KLHL1: variants seen among roughly 807,000 people sequenced by gnomAD.
KLHL1 encodes the protein kelch-like protein 1.
Under a neutral mutation model 77.7 loss-of-function variants are expected in KLHL1, and 47 were observed. That is an observed-to-expected ratio of 0.60 (90% confidence interval 0.48 to 0.77). The LOEUF (loss-of-function observed/expected upper bound fraction) is 0.77. Ranked by LOEUF, KLHL1 falls within the 30% of genes least tolerant of loss-of-function variation. The probability of loss-of-function intolerance (pLI) is 0.00; values close to 1 mark genes in which losing one functional copy is unlikely to be tolerated. For missense variants in KLHL1, 925 were observed against 910.8 expected (o/e 1.02, Z -0.20); for synonymous variants, 360 against 325.2 (o/e 1.11, Z -1.15).
chr13:69,992,093 A>G (rs940018407), intron 1 of KLHL1, among the ~76,000 whole-genome samples: 1 of 152,000 alleles, frequency 6.6e-6, no homozygotes, highest in Non-Finnish European at 1.5e-5. Context: ...TCACTGACAC[A>G]GAATATTAGT....
In KLHL1 at chr13:69,753,449, T is replaced by A. The variant is rs559479361; in HGVS notation, c.1640-12893A>T. ...TGCAGGGAATATGTGAGGAGACAAG[T>A]GATGATGCTGTTACAAACAAAAACA... is the stretch of plus-strand genomic sequence containing the variant. On this transcript the variant is annotated intron_variant, in intron 7 of 10. Coordinates refer to ENST00000377844, the MANE Select transcript of KLHL1 (RefSeq NM_020866.3). Among the ~76,000 whole-genome samples the A allele has an allele frequency of 5.0e-3, 758 of 152,190 alleles. 4 individuals are homozygous for A. The highest frequency in any genetic ancestry group is 0.018 in the African/African-American group (740 of 41,544).
At chr13:69,797,690 A>C (rs1480642382) in intron 6 of KLHL1, among the ~76,000 whole-genome samples, 2 of 151,458 alleles carry the variant, frequency 1.3e-5, no homozygotes, top group Non-Finnish European at 2.9e-5. Context: ...TTAGCTGGGC[A>C]TGGTGGCAGG....
intron 4 of KLHL1, among the ~76,000 whole-genome samples, chr13:69,885,104 C>A (rs1183534040): frequency 2.8e-5 from 4 of 142,122 alleles, no homozygotes; most frequent in African/African-American, 5.7e-5. Flanking sequence ...CCACGCCCGG[C>A]TAATTTTTTG....
rs1879135263 is a variant in KLHL1, at chr13:69,838,972, A to G, written c.1414+4T>C. 1 of 1,588,146 alleles carries G rather than the reference A, an allele frequency of 6.3e-7. No individual in the cohort carries two copies. Among genetic ancestry groups the G allele is most frequent in the African/African-American group, 1.4e-5 (1 of 73,938 alleles). On this transcript the variant is annotated splice_donor_region_variant and intron_variant, in intron 6 of 10. Transcript: ENST00000377844. The stretch of plus-strand genomic sequence containing the variant: ...TATAGTTATATAAATCCAGAATTAA[A>G]TACCTTTGTTGTTATCCATTCCTCC...
chr13:70,087,523 A>G (rs2137437741), intron 1 of KLHL1, among the ~76,000 whole-genome samples: 1 of 151,514 alleles, frequency 6.6e-6, no homozygotes, highest in African/African-American at 2.4e-5. Context: ...TGCACAGATG[A>G]AAAGATTTTT....
intron 4 of KLHL1, among the ~76,000 whole-genome samples, chr13:69,931,376 T>A (rs1882999521): frequency 6.6e-6 from 1 of 151,802 alleles, no homozygotes. Flanking sequence ...CAATTTTAAT[T>A]GAGCTGAAGT....
chr13:69,753,555 G>C (rs963441508), intron 7 of KLHL1, among the ~76,000 whole-genome samples: 2 of 152,052 alleles, frequency 1.3e-5, no homozygotes, highest in African/African-American at 4.8e-5. Context: ...AGTATTAGTA[G>C]GGCCAAATCT....
chr13:70,062,923 G>A (rs9317870), intron 1 of KLHL1, among the ~76,000 whole-genome samples: 51,185 of 151,714 alleles, frequency 0.34, 9,459 homozygotes, highest in African/African-American at 0.5. Context: ...TCAAAGTTAC[G>A]TGAAACTTTC....
chr13:69,868,545 C>T (rs995481190), intron 5 of KLHL1, among the ~76,000 whole-genome samples: 9 of 151,932 alleles, frequency 5.9e-5, no homozygotes, highest in Admixed American at 5.3e-4. Context: ...CAATTTTCTT[C>T]CAATTGCAAT....
chr13:69,775,750 G>T (rs114119018), intron 7 of KLHL1, among the ~76,000 whole-genome samples: 1,716 of 151,942 alleles, frequency 0.011, 35 homozygotes, highest in African/African-American at 0.038. Flanking sequence ...GAGTGCAGTG[G>T]TGCCATCTTA....
At chr13:69,965,058 A>G (rs901945449) in intron 2 of KLHL1, among the ~76,000 whole-genome samples, 2 of 152,210 alleles carry the variant, frequency 1.3e-5, no homozygotes, top group African/African-American at 4.8e-5. Context: ...TTATTGGTAT[A>G]TTCACAGCTT....
chr13:69,976,689 A>G (rs7320907), intron 1 of KLHL1, among the ~76,000 whole-genome samples: 5 of 152,112 alleles, frequency 3.3e-5, no homozygotes, highest in African/African-American at 1.2e-4. Context: ...ATATCTTAGA[A>G]AGTAACATGG....
chr13:70,011,357 A>G (rs184682802), intron 1 of KLHL1, among the ~76,000 whole-genome samples: 66 of 152,326 alleles, frequency 4.3e-4, no homozygotes, highest in African/African-American at 1.4e-3. Flanking sequence ...AATATGATTA[A>G]TATAGAAAGT....
chr13:69,878,535 C>T (rs1880853235), intron 5 of KLHL1, among the ~76,000 whole-genome samples: 1 of 151,926 alleles, frequency 6.6e-6, no homozygotes, highest in South Asian at 2.1e-4. Flanking sequence ...TAGACTCTTG[C>T]CTCCTTTAAA....
chr13:70,027,219 GAATT>G (rs926374525), intron 1 of KLHL1, among the ~76,000 whole-genome samples: 11 of 152,028 alleles, frequency 7.2e-5, no homozygotes, highest in African/African-American at 2.4e-4. Context: ...TAGATAAATA[GAATT>G]AATTCTCCTT....
intron 4 of KLHL1, among the ~76,000 whole-genome samples, chr13:69,938,596 G>A (rs549303897): frequency 2.0e-4 from 30 of 152,158 alleles, no homozygotes; most frequent in African/African-American, 7.2e-4. Flanking sequence ...GCTTAGTTAA[G>A]CCAGGAGCTC....
chr13:70,107,460 G>A lies in KLHL1; in HGVS notation c.240C>T (p.Ser80=), dbSNP rs1364926438. The stretch of plus-strand genomic sequence containing the variant: ...AGGAAGAGGAGGAAGAGGACGGGGA[G>A]GACGATGAAGAGGAAGAGGAGGAAG... ...KKPSSSSSSS[S]SPSSSSSSFN... is the part of the protein sequence containing the mutation. Residue 80 remains serine (S), a synonymous_variant, in exon 1 of 11, where the codon TCC becomes TCT. Coordinates refer to ENST00000377844, the MANE Select transcript of KLHL1 (RefSeq NM_020866.3). The A allele has an allele frequency of 3.7e-6, 6 of 1,614,120 alleles. No homozygotes were observed. In the Admixed American group the frequency reaches 5.0e-5, roughly 13 times the overall value.
intron 6 of KLHL1, among the ~76,000 whole-genome samples, chr13:69,808,581 T>C (rs931005363): frequency 6.6e-6 from 1 of 151,786 alleles, no homozygotes; most frequent in Non-Finnish European, 1.5e-5. Context: ...ATCCAAATGA[T>C]AGCAAATTAA....
Position 69,786,623 on chromosome 13 carries a change from T to C in KLHL1, c.1639+10115A>G, listed in dbSNP as rs577119246. Among the ~76,000 whole-genome samples, 29 of 152,198 alleles carry C rather than the reference T, an allele frequency of 1.9e-4. 1 individual carries two copies. In the South Asian group the frequency reaches 4.1e-3, roughly 22 times the overall value. On this transcript the variant is annotated intron_variant, in intron 7 of 10. Coordinates refer to ENST00000377844, the MANE Select transcript of KLHL1 (RefSeq NM_020866.3). ...AGACAGGGATGCCCTCTCTCACCAC[T>C]CCTATTCAACATACTGTTGGAAGTT...
Sources: allele counts gnomAD v4.1 joint callset (sites outside exome capture counted in the v4.1 genomes callset), GRCh38; gene constraint gnomAD v4.1.1; transcripts MANE v1.5; gene names NCBI Gene and HGNC (gene_info 2026-07-23, HGNC 2026-07-21).